Variants in SLC23A2 observed in about 807,000 individuals in gnomAD.
SLC23A2 encodes solute carrier family 23 member 2.
Under a neutral mutation model 73.3 loss-of-function variants are expected in SLC23A2, and 36 were observed. That is an observed-to-expected ratio of 0.49 (90% CI 0.38 to 0.65). SLC23A2 has a LOEUF of 0.65. SLC23A2 is among the 30% of genes least tolerant of loss of function. The pLI is 0.00. For synonymous variants in SLC23A2, 343 were observed against 327.3 expected (o/e 1.05, Z -0.52); for missense variants, 507 against 841.6 (o/e 0.60, Z 4.92).
At chr20:4,955,109 T>A (rs1054731444) in intron 2 of SLC23A2, among the ~76,000 whole-genome samples, 3 of 152,004 alleles carry the variant, frequency 2.0e-5, no homozygotes, top group African/African-American at 7.2e-5. Context: ...TTTAATTAGC[T>A]GGACATGGTG....
chr20:4,967,925 G>A (rs1168413638), intron 2 of SLC23A2, among the ~76,000 whole-genome samples: 1 of 152,160 alleles, frequency 6.6e-6, no homozygotes, highest in Non-Finnish European at 1.5e-5. Flanking sequence ...TGACAAAAAC[G>A]AAAGGTACGA....
At chr20:4,914,017 T>C (rs1353733033) in intron 3 of SLC23A2, among the ~76,000 whole-genome samples, 3 of 151,818 alleles carry the variant, frequency 2.0e-5, no homozygotes, top group Non-Finnish European at 4.4e-5. Flanking sequence ...GCACATGTAA[T>C]AAATATTAAG....
chr20:5,002,925 C>T (rs184474996), upstream of SLC23A2, among the ~76,000 whole-genome samples: 35 of 152,116 alleles, frequency 2.3e-4, no homozygotes, highest in Non-Finnish European at 3.7e-4. Flanking sequence ...GGCGCCCATC[C>T]TTAACCTTGA....
At position 4,902,913 on chromosome 20, in the gene SLC23A2, C is replaced by A. The variant is rs552570739; in HGVS notation, c.208-355G>T. On this transcript the variant is annotated intron_variant, in intron 4 of 16. Coordinates refer to ENST00000338244, the MANE Select transcript of SLC23A2 (RefSeq NM_005116.6). This position sits in a 1 kb window ranked among gnomAD's most constrained non-coding sequence, Gnocchi z 4.0. ...GATACCTTGGCACGAGCAGTCCTTG[C>A]GTGAGACCCCAGATGAAAAAAATCT... is the stretch of plus-strand genomic sequence containing the variant. 2.6e-5 allele frequency among the ~76,000 whole-genome samples: 4 copies of A among 152,060 alleles called. No individual in the cohort carries two copies. Among genetic ancestry groups the A allele is most frequent in the Admixed American group, 6.6e-5 (1 of 15,262 alleles).
At chr20:4,991,273 G>T (rs761215575) in intron 1 of SLC23A2, among the ~76,000 whole-genome samples, 7 of 152,008 alleles carry the variant, frequency 4.6e-5, no homozygotes, top group African/African-American at 1.7e-4. Flanking sequence ...ACCACGCCAG[G>T]CCACTTTAAA....
At chr20:4,907,347 A>T (rs1345951205) in intron 4 of SLC23A2, among the ~76,000 whole-genome samples, 1 of 152,196 alleles carries the variant, frequency 6.6e-6, no homozygotes, top group African/African-American at 2.4e-5. Context: ...GCCCACGATT[A>T]GATAAACTTC....
chr20:4,915,971 T>A (rs1184433208), intron 3 of SLC23A2, among the ~76,000 whole-genome samples: 1 of 151,924 alleles, frequency 6.6e-6, no homozygotes, highest in Non-Finnish European at 1.5e-5. Flanking sequence ...TAAAATAAAA[T>A]AAAAATAAAA....
chr20:4,902,478 A>G lies in SLC23A2; in HGVS notation c.288T>C (p.Val96=). The change falls in exon 5 of 17, where the codon GTT becomes GTC. Residue 96 remains valine, a synonymous_variant. Coordinates refer to ENST00000338244, the MANE Select transcript of SLC23A2 (RefSeq NM_005116.6). This position sits in a 1 kb window ranked among gnomAD's most constrained non-coding sequence, Gnocchi z 4.0. ...RSDMIYTIED[V]PPWYLCIFLG... ...GAAATATACACAGGTACCAGGGAGG[A>G]ACATCTTCTATGGTATAAATCATGT... 1 of 1,611,418 alleles carries G rather than the reference A, an allele frequency of 6.2e-7. No homozygotes were observed. The highest frequency in any genetic ancestry group is 8.5e-7 in the Non-Finnish European group (1 of 1,178,184).
At chr20:4,923,530 G>C (rs371234784) in intron 3 of SLC23A2, among the ~76,000 whole-genome samples, 5 of 152,110 alleles carry the variant, frequency 3.3e-5, no homozygotes, top group African/African-American at 1.2e-4. Flanking sequence ...AGAAATAGGA[G>C]AATTAAACCA....
At chr20:4,932,404 C>T (rs377249467) in intron 3 of SLC23A2, 51 bp downstream of exon 3, 66 of 1,052,134 alleles carry the variant, frequency 6.3e-5, no homozygotes, top group African/African-American at 5.8e-4. Context: ...TGATTCCATA[C>T]GGAAACTACT....
intron 6 of SLC23A2, among the ~76,000 whole-genome samples, chr20:4,897,601 G>A (rs1931591220): frequency 6.6e-6 from 1 of 152,162 alleles, no homozygotes; most frequent in Non-Finnish European, 1.5e-5. Context: ...TGCTTCCCAG[G>A]CCAGCAGGGA....
intron 3 of SLC23A2, among the ~76,000 whole-genome samples, chr20:4,917,020 A>G (rs1031747942): frequency 1.3e-5 from 2 of 152,212 alleles, no homozygotes; most frequent in Non-Finnish European, 2.9e-5. Flanking sequence ...AAGCCTAGAA[A>G]AAAAGCTCAC....
chr20:4,981,939 G>A (rs958503121), intron 1 of SLC23A2, among the ~76,000 whole-genome samples: 1 of 151,956 alleles, frequency 6.6e-6, no homozygotes, highest in Non-Finnish European at 1.5e-5. Context: ...CTGACCTCAC[G>A]ATCTGCCCAC....
At chr20:4,936,000 T>C (rs75958755) in intron 2 of SLC23A2, among the ~76,000 whole-genome samples, 1 of 152,290 alleles carries the variant, frequency 6.6e-6, no homozygotes, top group East Asian at 1.9e-4. Context: ...CAGAGCTTCA[T>C]TTTAAGGATA....
chr20:4,859,560 C>T (rs955233406), intron 15 of SLC23A2, among the ~76,000 whole-genome samples, 176 bp from the exon 16 acceptor site: 4 of 152,170 alleles, frequency 2.6e-5, no homozygotes, highest in Non-Finnish European at 5.9e-5. Context: ...TTTTAAACTA[C>T]GATGAATACT....
At chr20:4,917,407 C>T (rs771510774) in intron 3 of SLC23A2, among the ~76,000 whole-genome samples, 2 of 151,980 alleles carry the variant, frequency 1.3e-5, no homozygotes, top group Admixed American at 1.3e-4. Flanking sequence ...GTGAGTACAG[C>T]GGGGAGATGC....
At chr20:4,976,844 C>T (rs776435157) in intron 1 of SLC23A2, among the ~76,000 whole-genome samples, 1 of 151,944 alleles carries the variant, frequency 6.6e-6, no homozygotes, top group African/African-American at 2.4e-5. Flanking sequence ...TGGTGGTACA[C>T]GCCCGCCTGT....
At chr20:4,891,489 G>A (rs1041683148) in intron 6 of SLC23A2, among the ~76,000 whole-genome samples, 1 of 152,212 alleles carries the variant, frequency 6.6e-6, no homozygotes, top group Non-Finnish European at 1.5e-5. Context: ...TGGATCAAAT[G>A]CCCTTACAGC....
intron 2 of SLC23A2, among the ~76,000 whole-genome samples, chr20:4,959,719 G>A (rs1336364806): frequency 6.6e-6 from 1 of 151,972 alleles, no homozygotes; most frequent in Non-Finnish European, 1.5e-5. Context: ...GCTCTTGCCC[G>A]GGCTCAAGCA....
Sources: allele counts gnomAD v4.1 joint callset (sites outside exome capture counted in the v4.1 genomes callset), GRCh38; gene constraint gnomAD v4.1.1; non-coding constraint Gnocchi (gnomAD v3.1); transcripts MANE v1.5; gene names NCBI Gene and HGNC (gene_info 2026-07-23, HGNC 2026-07-21).